MAP3K15: variants seen among roughly 807,000 people sequenced by gnomAD.
MAP3K15 encodes the protein mitogen-activated protein kinase kinase kinase 15.
In MAP3K15, 124 loss-of-function variants were observed where a neutral mutation model predicts 99.5. The observed-to-expected ratio is 1.25, with a 90% CI of 1.08 to 1.45. The LOEUF (loss-of-function observed/expected upper bound fraction) is 1.45, where lower values mean the gene tolerates loss of function less well. MAP3K15 is among the 40% of genes most tolerant of loss of function. The pLI is 0.00. For synonymous variants in MAP3K15, 494 were observed against 439.6 expected (o/e 1.12, Z -1.55); for missense variants, 1,242 against 1,079.7 (o/e 1.15, Z -2.11).
intron 1 of MAP3K15, among the ~76,000 whole-genome samples, chrX:19,503,619 G>T (rs1444709741): frequency 9.1e-6 from 1 of 109,966 alleles, no homozygotes; most frequent in Non-Finnish European, 1.9e-5. Flanking sequence ...GAAAGACAGG[G>T]TTTCACCGTG....
intron 13 of MAP3K15, among the ~76,000 whole-genome samples, chrX:19,406,000 A>T (rs1194073388): frequency 8.9e-6 from 1 of 112,356 alleles, no homozygotes; most frequent in Non-Finnish European, 1.9e-5. Context: ...ACATGAAATG[A>T]TGCTCAGTAT....
chrX:19,371,460 C>T lies in MAP3K15; in HGVS notation c.3179G>A (p.Arg1060His), dbSNP rs148629355. ...QIIGILRDFI[R>H]SPEHRVMATT... Reference sequence around the variant, plus strand: ...CGCCATCACCCGGTGCTCTGGGGAGCGGATGAAGTCCCTCAGGATCCCAAT... The same window carrying T: ...CGCCATCACCCGGTGCTCTGGGGAGTGGATGAAGTCCCTCAGGATCCCAAT... Residue 1060 changes from arginine (R) to histidine (H), a missense_variant, in exon 23 of 29, where the codon CGC becomes CAC. Transcript: ENST00000338883. 1.5e-4 allele frequency: 187 copies of T among 1,208,330 alleles called. No homozygotes were observed. The highest frequency in any genetic ancestry group is 9.2e-4 in the South Asian group (52 of 56,667).
intron 6 of MAP3K15, among the ~76,000 whole-genome samples, chrX:19,446,313 A>T (rs1322590849): frequency 2.7e-5 from 3 of 112,138 alleles, no homozygotes; most frequent in Non-Finnish European, 3.8e-5. Context: ...GTCTTAAAGG[A>T]TCTGTCTCTA....
intron 3 of MAP3K15, among the ~76,000 whole-genome samples, chrX:19,477,050 AC>A (rs1400800072): frequency 8.9e-6 from 1 of 112,110 alleles, no homozygotes. Context: ...ATAAAGCTGT[AC>A]AAAGAACTCA....
chrX:19,507,518 C>A (rs189308640), intron 1 of MAP3K15, among the ~76,000 whole-genome samples: 88 of 81,497 alleles, frequency 1.1e-3, no homozygotes, highest in African/African-American at 4.1e-3. Context: ...GTCAAGGCTG[C>A]GGTGAGCCGT....
chrX:19,469,802 G>A (rs1276299356), intron 3 of MAP3K15, among the ~76,000 whole-genome samples: 8 of 110,729 alleles, frequency 7.2e-5, no homozygotes, highest in Non-Finnish European at 1.3e-4. Flanking sequence ...ATGAAAAAAC[G>A]CTCATCATCA....
chrX:19,398,812 C>T (rs1295709067), intron 14 of MAP3K15, among the ~76,000 whole-genome samples: 1 of 111,305 alleles, frequency 9.0e-6, no homozygotes, highest in Non-Finnish European at 1.9e-5. Flanking sequence ...AGTAAATATG[C>T]TGGGGCTTCC....
At chrX:19,462,367 A>C (rs1335681216) in intron 4 of MAP3K15, among the ~76,000 whole-genome samples, 1 of 111,713 alleles carries the variant, frequency 9.0e-6, no homozygotes, top group Non-Finnish European at 1.9e-5. Context: ...CCCAATAATG[A>C]ACAAAATTAG....
chrX:19,416,223 T>C (rs73637641), intron 9 of MAP3K15, among the ~76,000 whole-genome samples: 2,121 of 110,644 alleles, frequency 0.019, 50 homozygotes, highest in African/African-American at 0.067. Flanking sequence ...CCCAACTACT[T>C]GGGAGGCTGA....
chrX:19,421,383 T>C (rs1468874074), intron 9 of MAP3K15, among the ~76,000 whole-genome samples: 29 of 110,564 alleles, frequency 2.6e-4, no homozygotes, highest in Non-Finnish European at 5.3e-4. Context: ...TATACACCAC[T>C]AACAGACAAA....
At chrX:19,464,442 C>T (rs1311824388) in intron 3 of MAP3K15, 36 bp from the exon 4 acceptor site, 3 of 1,100,372 alleles carry the variant, frequency 2.7e-6, no homozygotes, top group Non-Finnish European at 2.4e-6. Flanking sequence ...CAGAAAGTAA[C>T]TTATGTGGAA....
intron 3 of MAP3K15, among the ~76,000 whole-genome samples, chrX:19,479,251 G>A (rs2064273473): frequency 9.0e-6 from 1 of 111,637 alleles, no homozygotes; most frequent in East Asian, 2.8e-4. Flanking sequence ...CTTCTGAACT[G>A]TGTCAGTTCC....
chrX:19,392,848 T>C (rs2063537089), intron 16 of MAP3K15, among the ~76,000 whole-genome samples: 1 of 111,027 alleles, frequency 9.0e-6, no homozygotes, highest in Non-Finnish European at 1.9e-5. Flanking sequence ...GACACTTGTT[T>C]ACAGCAGGTC....
At chrX:19,390,845 A>G (rs1247378367) in intron 18 of MAP3K15, among the ~76,000 whole-genome samples, 2 of 110,446 alleles carry the variant, frequency 1.8e-5, no homozygotes, top group African/African-American at 3.3e-5. Context: ...CAGCTGTTTC[A>G]TAATTCCATC....
chrX:19,468,911 CTCTG>C (rs1304492961), intron 3 of MAP3K15, among the ~76,000 whole-genome samples: 6 of 111,402 alleles, frequency 5.4e-5, no homozygotes, highest in Non-Finnish European at 7.5e-5. Flanking sequence ...TGATTTGGCT[CTCTG>C]TCTGTTATTG....
In MAP3K15 at chrX:19,432,706, G is replaced by A. The variant is rs182804934; in HGVS notation, c.996-1098C>T. Among the ~76,000 whole-genome samples, 742 of 108,957 alleles carry A rather than the reference G, an allele frequency of 6.8e-3. 3 individuals are homozygous for A. The highest frequency in any genetic ancestry group is 0.012 in the Non-Finnish European group (617 of 52,498). The allele number at this position is 108,957 out of a possible 115,157, so 94.6% of individuals were successfully genotyped here. On this transcript the variant is annotated intron_variant, in intron 6 of 28. Coordinates refer to ENST00000338883, the MANE Select transcript of MAP3K15 (RefSeq NM_001001671.4). Reference sequence around the variant, plus strand: ...GATAATGTAATCATGACTATGTTTTGTAAGTGCCCTTAACCTTTTTTTTTT... The same window carrying A: ...GATAATGTAATCATGACTATGTTTTATAAGTGCCCTTAACCTTTTTTTTTT...
At chrX:19,416,940 T>A (rs916143569) in intron 9 of MAP3K15, among the ~76,000 whole-genome samples, 7 of 111,742 alleles carry the variant, frequency 6.3e-5, no homozygotes, top group Non-Finnish European at 1.9e-5. Flanking sequence ...TAATTAAACA[T>A]GTTATTTTGA....
intron 1 of MAP3K15, among the ~76,000 whole-genome samples, chrX:19,493,658 A>C (rs2064382599): frequency 8.9e-6 from 1 of 112,099 alleles, no homozygotes; most frequent in Admixed American, 9.6e-5. Flanking sequence ...CACCGTGGTC[A>C]CATGCTTTGC....
intron 1 of MAP3K15, among the ~76,000 whole-genome samples, chrX:19,513,502 T>C (rs990852923): frequency 9.0e-6 from 1 of 111,438 alleles, no homozygotes; most frequent in Non-Finnish European, 1.9e-5. Flanking sequence ...TGGTCAGAAA[T>C]GTCAGGAGAG....
Sources: allele counts gnomAD v4.1 joint callset (sites outside exome capture counted in the v4.1 genomes callset), GRCh38; gene constraint gnomAD v4.1.1; transcripts MANE v1.5; gene names NCBI Gene and HGNC (gene_info 2026-07-23, HGNC 2026-07-21).